The following RNGTT variants were observed in gnomAD, a reference collection of about 807,000 sequenced individuals.
RNGTT encodes mRNA-capping enzyme.
Under a neutral mutation model 79.3 loss-of-function variants are expected in RNGTT, and 33 were observed. That is an observed-to-expected ratio of 0.42 (90% CI 0.32 to 0.56). The LOEUF is 0.56. Ranked by LOEUF, RNGTT falls within the 20% of genes least tolerant of loss-of-function variation. The pLI, the probability that RNGTT is intolerant of heterozygous loss-of-function variation, is 0.17. For missense variants in RNGTT, 497 were observed against 739.1 expected (o/e 0.67, Z 3.80); for synonymous variants, 222 against 235.9 (o/e 0.94, Z 0.54).
chr6:88,672,603 T>C (rs1007987089), intron 14 of RNGTT, among the ~76,000 whole-genome samples: 1 of 152,094 alleles, frequency 6.6e-6, no homozygotes, highest in East Asian at 1.9e-4. Context: ...TTGGGTACAT[T>C]GTACACTGCT....
chr6:88,930,069 T>C (rs1404310607), intron 2 of RNGTT, among the ~76,000 whole-genome samples: 2 of 147,528 alleles, frequency 1.4e-5, no homozygotes, highest in African/African-American at 5.0e-5. Flanking sequence ...TATATGCATA[T>C]GTATACATAT....
chr6:88,921,465 C>T (rs1784163182), intron 4 of RNGTT, among the ~76,000 whole-genome samples: 1 of 152,110 alleles, frequency 6.6e-6, no homozygotes, highest in African/African-American at 2.4e-5. Context: ...GTTCTTGAAA[C>T]ACACAGAAGC....
At chr6:88,958,924 C>A (rs1308390131) in intron 1 of RNGTT, among the ~76,000 whole-genome samples, 2 of 152,118 alleles carry the variant, frequency 1.3e-5, no homozygotes, top group African/African-American at 4.8e-5. Context: ...TACAGCAGCA[C>A]AATTTGCAAT....
intron 13 of RNGTT, among the ~76,000 whole-genome samples, chr6:88,693,990 CATT>C (rs1775571268): frequency 6.6e-6 from 1 of 152,078 alleles, no homozygotes; most frequent in Admixed American, 6.6e-5. Flanking sequence ...CAACAGATAA[CATT>C]ATATTCAACA....
intron 6 of RNGTT, among the ~76,000 whole-genome samples, chr6:88,904,366 G>A (rs1016310428): frequency 1.5e-4 from 23 of 152,050 alleles, no homozygotes; most frequent in African/African-American, 5.6e-4. Context: ...TTGAGCTCAG[G>A]AGTTCAAATC....
chr6:88,939,769 C>T (rs1253444683), intron 2 of RNGTT, among the ~76,000 whole-genome samples: 1 of 149,472 alleles, frequency 6.7e-6, no homozygotes, highest in Non-Finnish European at 1.5e-5. Flanking sequence ...CTCACTTCTC[C>T]TTTTTTTTTG....
chr6:88,667,402 C>T (rs970588336), intron 14 of RNGTT, among the ~76,000 whole-genome samples: 1 of 152,148 alleles, frequency 6.6e-6, no homozygotes, highest in Non-Finnish European at 1.5e-5. Context: ...TCGGCCCTTG[C>T]CAAAACAGTA....
intron 13 of RNGTT, among the ~76,000 whole-genome samples, chr6:88,685,135 G>C (rs1409191924): frequency 6.6e-6 from 1 of 152,086 alleles, no homozygotes; most frequent in Non-Finnish European, 1.5e-5. Flanking sequence ...AGATCAGGGG[G>C]AGGAAAAAAG....
At chr6:88,629,680 G>C in intron 14 of RNGTT, among the ~76,000 whole-genome samples, 1 of 152,148 alleles carries the variant, frequency 6.6e-6, no homozygotes, top group Non-Finnish European at 1.5e-5. Flanking sequence ...CTCTTAGCAA[G>C]TTTTCAGAGG....
At chr6:88,955,423 G>A (rs542826605) in intron 1 of RNGTT, among the ~76,000 whole-genome samples, 5 of 151,442 alleles carry the variant, frequency 3.3e-5, no homozygotes, top group South Asian at 2.1e-4. Flanking sequence ...GGTGGCGGGC[G>A]CCTGTAATCC....
Position 88,904,751 on chromosome 6 carries a change from A to G in RNGTT, c.648T>C (p.Ala216=). Reference sequence around the variant, plus strand: ...GTTCTTTTCTCCTTTTGCCAAAAGAAGCACTTGACCCGGGTTCTGATTCCT... The same window carrying G: ...GTTCTTTTCTCCTTTTGCCAAAAGAGGCACTTGACCCGGGTTCTGATTCCT... ...GKKESEPGSS[A]SFGKRRKERL... is the part of the protein sequence containing the mutation. Residue 216 remains alanine (A), a synonymous_variant, in exon 6 of 16, where the codon GCT becomes GCC. Transcript: ENST00000369485. 6.2e-7 allele frequency: 1 copy of G among 1,614,024 alleles called. No homozygotes were observed. The highest frequency in any genetic ancestry group is 1.1e-5 in the South Asian group (1 of 91,050).
At chr6:88,692,446 T>C (rs1444586111) in intron 13 of RNGTT, among the ~76,000 whole-genome samples, 2 of 149,224 alleles carry the variant, frequency 1.3e-5, no homozygotes, top group Non-Finnish European at 3.0e-5. Context: ...AACAAAATAA[T>C]ACTCAGCAAA....
chr6:88,797,610 G>A (rs1203895955), intron 12 of RNGTT, among the ~76,000 whole-genome samples: 1 of 151,838 alleles, frequency 6.6e-6, no homozygotes, highest in Non-Finnish European at 1.5e-5. Context: ...AGAGTTTAAA[G>A]AAAGAAATAT....
intron 14 of RNGTT, among the ~76,000 whole-genome samples, chr6:88,630,553 T>G (rs904829203): frequency 1.3e-5 from 2 of 152,126 alleles, no homozygotes; most frequent in Non-Finnish European, 2.9e-5. Flanking sequence ...AAATGTTGAG[T>G]AGGCCCACTG....
chr6:88,684,143 A>C lies in RNGTT; in HGVS notation c.1440-5724T>G, dbSNP rs560675799. On this transcript the variant is annotated intron_variant, in intron 13 of 15. Transcript: ENST00000369485. ...TTATATGAAAAGATGCTCAAGTCTC[A>C]TATGTCATTAGGGAAATACAAACTG... is the stretch of plus-strand genomic sequence containing the variant. Among the ~76,000 whole-genome samples, 9 of 152,340 alleles carry C rather than the reference A, an allele frequency of 5.9e-5. No individual in the cohort carries two copies. The East Asian group carries it at 1.3e-3, about 23-fold the overall frequency.
intron 14 of RNGTT, among the ~76,000 whole-genome samples, chr6:88,644,354 T>A (rs1472820740): frequency 6.6e-6 from 1 of 152,090 alleles, no homozygotes; most frequent in Non-Finnish European, 1.5e-5. Flanking sequence ...ATTGAGGCAA[T>A]AATTAATAGC....
chr6:88,693,823 C>T (rs753910285), intron 13 of RNGTT, among the ~76,000 whole-genome samples: 7 of 152,038 alleles, frequency 4.6e-5, no homozygotes, highest in Non-Finnish European at 8.8e-5. Flanking sequence ...ATGTGATAAG[C>T]CACATTAACA....
At chr6:88,959,670 T>G (rs903304805) in intron 1 of RNGTT, among the ~76,000 whole-genome samples, 1 of 152,174 alleles carries the variant, frequency 6.6e-6, no homozygotes, top group Non-Finnish European at 1.5e-5. Flanking sequence ...CCATTTCCAC[T>G]CTTTTCTCCA....
chr6:88,614,227 T>C, intron 15 of RNGTT, 45 bp downstream of exon 15: 1 of 1,598,876 alleles, frequency 6.3e-7, no homozygotes, highest in South Asian at 1.1e-5. Flanking sequence ...AACACCTTAA[T>C]TTTTGTTTTA....
Sources: allele counts gnomAD v4.1 joint callset (sites outside exome capture counted in the v4.1 genomes callset), GRCh38; gene constraint gnomAD v4.1.1; transcripts MANE v1.5; gene names NCBI Gene and HGNC (gene_info 2026-07-23, HGNC 2026-07-21).